Variants in PCDHGA9 observed in about 807,000 individuals in gnomAD.
PCDHGA9 encodes the protein protocadherin gamma-A9.
In PCDHGA9, 37 loss-of-function variants were observed where a neutral mutation model predicts 62.5. The ratio of observed to expected loss-of-function variants is 0.59; its 90% CI spans 0.46 to 0.78. The LOEUF (loss-of-function observed/expected upper bound fraction) is 0.78, where lower values mean the gene tolerates loss of function less well. Ranked by LOEUF, PCDHGA9 falls within the 30% of genes least tolerant of loss-of-function variation. The pLI, the probability that PCDHGA9 is intolerant of heterozygous loss-of-function variation, is 0.00. For synonymous variants in PCDHGA9, 459 were observed against 484.6 expected, an observed-to-expected ratio of 0.95 and a Z score of 0.69; for missense variants, 1,138 against 1,166.2, an observed-to-expected ratio of 0.98 and a Z score of 0.35.
intron 1 of PCDHGA9, chr5:141,412,940 T>G: frequency 2.2e-6 from 1 of 463,218 alleles, no homozygotes; most frequent in Non-Finnish European, 3.8e-6. Context: ...CTTAGGACTC[T>G]GAGCGCCGCT....
chr5:141,437,385 C>T (rs543945898), intron 1 of PCDHGA9, among the ~76,000 whole-genome samples: 12 of 152,202 alleles, frequency 7.9e-5, no homozygotes, highest in Non-Finnish European at 1.6e-4. Flanking sequence ...AGAAGACATT[C>T]ATCCACTGCT....
Position 141,432,593 on chromosome 5 carries a change from A to G in PCDHGA9, c.2424+27217A>G, listed in dbSNP as rs2097518945. ...GCTGTCCTACCGTCTGCTCAAGGCC[A>G]GCGAGCCGGGACTCTTCTCGGTGGG... On this transcript the variant is annotated intron_variant, in intron 1 of 3. Transcript: ENST00000573521. The surrounding 1 kb of genome is among the most constrained non-coding windows in gnomAD (Gnocchi z 6.0). 6.2e-7 allele frequency: 1 copy of G among 1,612,958 alleles called. No individual in the cohort carries two copies. Among genetic ancestry groups the G allele is most frequent in the Non-Finnish European group, 8.5e-7 (1 of 1,179,834 alleles).
rs527641698 is a variant in PCDHGA9 at position 141,410,317 on chromosome 5, C to G, written c.2424+4941C>G. The G allele has an allele frequency of 2.5e-6, 4 of 1,613,892 alleles. No homozygotes were observed. In the East Asian group the frequency reaches 6.7e-5, roughly 27 times the overall value. ...CCTTAATCTCAGTGCTCTTCCTCCT[C>G]GCCGTGATTCTGGCCATTGCCTTGC... On this transcript the variant is annotated intron_variant, in intron 1 of 3. Transcript: ENST00000573521.
rs775081505 is a variant in PCDHGA9 at position 141,486,730 on chromosome 5, T to C, written c.2425-8077T>C. ...ACCCCCAGACAGGAGCTGTTCATGC[T>C]ACTCGATCCTTTGACTATGAGCAAA... On this transcript the variant is annotated intron_variant, in intron 1 of 3. Coordinates refer to ENST00000573521, the MANE Select transcript of PCDHGA9 (RefSeq NM_018921.3). This position sits in a 1 kb window ranked among gnomAD's most constrained non-coding sequence, Gnocchi z 5.0. 1 of 1,614,120 alleles carries C rather than the reference T, an allele frequency of 6.2e-7. No homozygotes were observed. Among genetic ancestry groups the C allele is most frequent in the Non-Finnish European group, 8.5e-7 (1 of 1,180,050 alleles).
At position 141,415,171 on chromosome 5, in the gene PCDHGA9, G is replaced by A. The variant is rs748508713; in HGVS notation, c.2424+9795G>A. ...TCTCTCCGCCACTGTCACGCTCACC[G>A]TGGCCGTGGCCGACAGCATCCCCCA... On this transcript the variant is annotated intron_variant, in intron 1 of 3. Coordinates refer to ENST00000573521, the MANE Select transcript of PCDHGA9 (RefSeq NM_018921.3). 8 of 1,613,876 alleles carry A rather than the reference G, an allele frequency of 5.0e-6. No homozygotes were observed. In the South Asian group the frequency reaches 6.6e-5, roughly 13 times the overall value.
chr5:141,437,978 C>T (rs1014157103), intron 1 of PCDHGA9, among the ~76,000 whole-genome samples: 2 of 152,212 alleles, frequency 1.3e-5, no homozygotes, highest in East Asian at 1.9e-4. Context: ...TCTTGGGATG[C>T]ACCCACCCCA....
intron 2 of PCDHGA9, among the ~76,000 whole-genome samples, chr5:141,496,054 G>A (rs180707408): frequency 6.6e-6 from 1 of 150,988 alleles, no homozygotes; most frequent in Admixed American, 6.6e-5. Context: ...TTTTGTGCTT[G>A]TGGGCAAGCC....
At position 141,491,099 on chromosome 5, in the gene PCDHGA9, T is replaced by C. The variant is rs1352561414; in HGVS notation, c.2425-3708T>C. 1 of 1,614,176 alleles carries C rather than the reference T, an allele frequency of 6.2e-7. No homozygotes were observed. ...CAGTCCACAGCCCCAGGACTGTTCC[T>C]CGTGTCTACACACACTGGTGAGGTG... On this transcript the variant is annotated intron_variant, in intron 1 of 3. Coordinates refer to ENST00000573521, the MANE Select transcript of PCDHGA9 (RefSeq NM_018921.3). The surrounding 1 kb of genome is among the most constrained non-coding windows in gnomAD (Gnocchi z 6.9).
In PCDHGA9 at chr5:141,485,507, G is replaced by A. The variant is rs766643911; in HGVS notation, c.2425-9300G>A. 6.8e-6 allele frequency: 11 copies of A among 1,614,174 alleles called. No homozygotes were observed. Among genetic ancestry groups the A allele is most frequent in the Non-Finnish European group, 8.5e-6 (10 of 1,180,036 alleles). ...CGTGCCCCTGGAGTTTGTCACCGAA[G>A]GTCCTTTGGAAATGTACCGAGCAGA... On this transcript the variant is annotated intron_variant, in intron 1 of 3. Transcript: ENST00000573521. The surrounding 1 kb of genome is among the most constrained non-coding windows in gnomAD (Gnocchi z 5.7).
chr5:141,415,332 G>A (rs758125316), intron 1 of PCDHGA9: 1 of 1,614,214 alleles, frequency 6.2e-7, no homozygotes, highest in South Asian at 1.1e-5. Context: ...TGGCGCACAG[G>A]CTGCGGCGCT....
chr5:141,494,925 G>T (rs936071950), intron 2 of PCDHGA9, 60 bp downstream of exon 2: 1 of 1,613,316 alleles, frequency 6.2e-7, no homozygotes. Flanking sequence ...GGGATGACGT[G>T]GGAGGAGATG....
At chr5:141,421,089 T>A (rs1047424267) in intron 1 of PCDHGA9, 25 of 661,836 alleles carry the variant, frequency 3.8e-5, no homozygotes, top group Middle Eastern at 4.1e-4. Context: ...TCACAGATCC[T>A]GACACTGGAG....
Position 141,477,286 on chromosome 5 carries a change from A to G in PCDHGA9, c.2425-17521A>G, listed in dbSNP as rs1367207950. 1.9e-6 allele frequency: 3 copies of G among 1,614,194 alleles called. No individual in the cohort carries two copies. Among genetic ancestry groups the G allele is most frequent in the Non-Finnish European group, 8.5e-7 (1 of 1,180,034 alleles). ...GCGAGAACGGGCTGGTGACCTGCGA[A>G]GTTCCACCGGGTCTCCCTTTCAGCC... On this transcript the variant is annotated intron_variant, in intron 1 of 3. Coordinates refer to ENST00000573521, the MANE Select transcript of PCDHGA9 (RefSeq NM_018921.3). The surrounding 1 kb of genome is among the most constrained non-coding windows in gnomAD (Gnocchi z 4.9).
In PCDHGA9 at chr5:141,431,620, G is replaced by T; in HGVS notation, c.2424+26244G>T. 6.2e-7 allele frequency: 1 copy of T among 1,614,232 alleles called. No individual in the cohort carries two copies. The highest frequency in any genetic ancestry group is 8.5e-7 in the Non-Finnish European group (1 of 1,180,050). Reference sequence around the variant, plus strand: ...ATTCCTTCCGGTATGTGGACGACAAGGCGGCCCAAGTTTTCAAACTAGATT... The same window carrying T: ...ATTCCTTCCGGTATGTGGACGACAATGCGGCCCAAGTTTTCAAACTAGATT... On this transcript the variant is annotated intron_variant, in intron 1 of 3. Transcript: ENST00000573521. The surrounding 1 kb of genome is among the most constrained non-coding windows in gnomAD (Gnocchi z 4.8).
intron 1 of PCDHGA9, among the ~76,000 whole-genome samples, chr5:141,406,607 C>T (rs1289606470): frequency 6.6e-6 from 1 of 152,202 alleles, no homozygotes; most frequent in Non-Finnish European, 1.5e-5. Flanking sequence ...AAAGTTGTCA[C>T]ATCTTTTATT....
At chr5:141,497,092 G>C (rs2099773958) in intron 2 of PCDHGA9, among the ~76,000 whole-genome samples, 1 of 152,092 alleles carries the variant, frequency 6.6e-6, no homozygotes, top group Admixed American at 6.5e-5. Flanking sequence ...AGGAGGCTGA[G>C]GCAGAACTGC....
chr5:141,410,230 C>A (rs759582867), intron 1 of PCDHGA9: 2 of 1,614,006 alleles, frequency 1.2e-6, no homozygotes, highest in South Asian at 2.2e-5. Flanking sequence ...CAGACCTCAG[C>A]GACCGCCCTG....
rs780310968 is a variant in PCDHGA9 at position 141,414,168 on chromosome 5, T to G, written c.2424+8792T>G. The G allele has an allele frequency of 5.6e-6, 9 of 1,605,598 alleles. No individual in the cohort carries two copies. The African/African-American group carries it at 1.2e-4, about 21-fold the overall frequency. ...TACAAGCAGAAGATGGAGGAGCATA[T>G]CTTGCAACTGCAAAAGTGTTGATTA... On this transcript the variant is annotated intron_variant, in intron 1 of 3. Coordinates refer to ENST00000573521, the MANE Select transcript of PCDHGA9 (RefSeq NM_018921.3).
chr5:141,405,108 G>A lies in PCDHGA9; in HGVS notation c.2156G>A (p.Trp719Ter). 1 of 1,613,960 alleles carries A rather than the reference G, an allele frequency of 6.2e-7. No individual in the cohort carries two copies. Among genetic ancestry groups the A allele is most frequent in the Non-Finnish European group, 8.5e-7 (1 of 1,179,848 alleles). Residue 719 changes from tryptophan (W) to a stop codon, truncating the protein, a stop_gained, in exon 1 of 4, where the codon TGG becomes TAG. Transcript: ENST00000573521. LOFTEE classifies it high-confidence loss of function. ...CTGCTGGCCCTCAGGCTGAGGCACT[G>A]GCACTCCTCGCATCTGCTGCGGGCT... Reference protein sequence around the residue: ...ITLLALRLRHWHSSHLLRATS... With the variant: ...ITLLALRLRH
Sources: allele counts gnomAD v4.1 joint callset (sites outside exome capture counted in the v4.1 genomes callset), GRCh38; gene constraint gnomAD v4.1.1; non-coding constraint Gnocchi (gnomAD v3.1); transcripts MANE v1.5; gene names NCBI Gene and HGNC (gene_info 2026-07-23, HGNC 2026-07-21).